MAST2: variants seen among roughly 807,000 people sequenced by gnomAD.
MAST2 encodes the protein microtubule associated serine/threonine kinase 2, also known as microtubule-associated serine/threonine-protein kinase 2.
In MAST2, 70 loss-of-function variants were observed where a neutral mutation model predicts 147.4. That is an observed-to-expected ratio of 0.47 (90% CI 0.39 to 0.58). The LOEUF (loss-of-function observed/expected upper bound fraction) is 0.58. Among genes scored for constraint, MAST2 ranks in the 20% least tolerant of loss-of-function variants. The probability of loss-of-function intolerance (pLI) is 0.00; values close to 1 mark genes in which losing one functional copy is unlikely to be tolerated. For synonymous variants in MAST2, 869 were observed against 896.8 expected (o/e 0.97, Z 0.55); for missense variants, 2,080 against 2,302.3 (o/e 0.90, Z 1.98).
chr1:45,932,795 A>C (rs931244399), intron 4 of MAST2, among the ~76,000 whole-genome samples: 4 of 152,092 alleles, frequency 2.6e-5, no homozygotes, highest in African/African-American at 7.2e-5. Flanking sequence ...GGTCAAGGGA[A>C]GTTTCTTCAG....
rs1311826597 is a variant in MAST2 at position 46,028,791 on chromosome 1, T to A, written c.2076T>A (p.Ile692=). The A allele has an allele frequency of 6.2e-7, 1 of 1,614,048 alleles. No homozygotes were observed. The highest frequency in any genetic ancestry group is 8.5e-7 in the Non-Finnish European group (1 of 1,180,028). Residue 692 remains isoleucine, a synonymous_variant, in exon 18 of 29, where the codon ATT becomes ATA. Coordinates refer to ENST00000361297, the MANE Select transcript of MAST2 (RefSeq NM_015112.3). Reference sequence around the variant, plus strand: ...AGGTATGCGGGACCCCAGAATACATTGCGCCTGAGGTGATCCTGCGCCAGG... The same window carrying A: ...AGGTATGCGGGACCCCAGAATACATAGCGCCTGAGGTGATCCTGCGCCAGG... ...DKQVCGTPEY[I]APEVILRQGY...
chr1:45,941,008 T>G (rs1026208769), intron 4 of MAST2, among the ~76,000 whole-genome samples: 1 of 152,192 alleles, frequency 6.6e-6, no homozygotes, highest in African/African-American at 2.4e-5. Flanking sequence ...GCTGGCAAGC[T>G]CTGATTGGTG....
intron 5 of MAST2, among the ~76,000 whole-genome samples, chr1:45,987,608 G>C (rs1026024454): frequency 8.6e-5 from 13 of 151,964 alleles, no homozygotes; most frequent in Admixed American, 2.6e-4. Flanking sequence ...CACTATGCCT[G>C]GCGTTGTGTA....
At chr1:45,985,006 C>T (rs1178598352) in intron 5 of MAST2, among the ~76,000 whole-genome samples, 1 of 151,658 alleles carries the variant, frequency 6.6e-6, no homozygotes, top group Non-Finnish European at 1.5e-5. Flanking sequence ...TATTTTTAAA[C>T]AAATGTTACT....
chr1:45,958,695 C>G (rs1452288865), intron 4 of MAST2, among the ~76,000 whole-genome samples: 1 of 152,126 alleles, frequency 6.6e-6, no homozygotes, highest in Non-Finnish European at 1.5e-5. Flanking sequence ...AGTAGGTGTT[C>G]AATAAATATT....
chr1:46,008,443 A>T lies in MAST2; in HGVS notation c.978+72A>T. The T allele has an allele frequency of 4.2e-6, 4 of 951,742 alleles. No homozygotes were observed. The Admixed American group carries it at 7.5e-5, about 18-fold the overall frequency. 59.0% of individuals were successfully genotyped at this position (951,742 alleles called of 1,614,324 possible). ...TGCCTACAGCCAGCCCCAATGGGAGACTCTGGAGTGAAGGAATGAAGTGCT... is the reference window on the plus strand; with the variant it reads ...TGCCTACAGCCAGCCCCAATGGGAGTCTCTGGAGTGAAGGAATGAAGTGCT... On this transcript the variant is annotated intron_variant, in intron 9 of 28. Transcript: ENST00000361297.
At chr1:45,855,345 A>G (rs986737348) in intron 3 of MAST2, among the ~76,000 whole-genome samples, 1 of 147,200 alleles carries the variant, frequency 6.8e-6, no homozygotes, top group African/African-American at 2.5e-5. Flanking sequence ...TTTTTTTTCT[A>G]TTTGATTCTT....
At chr1:46,006,851 G>GTATC (rs894855364) in intron 8 of MAST2, among the ~76,000 whole-genome samples, 21 of 152,308 alleles carry the variant, frequency 1.4e-4, no homozygotes, top group South Asian at 2.1e-4. Context: ...GAGAACAATG[G>GTATC]TATCATCAAT....
chr1:45,948,688 C>G (rs558754557), intron 4 of MAST2, among the ~76,000 whole-genome samples: 2 of 103,812 alleles, frequency 1.9e-5, no homozygotes, highest in Non-Finnish European at 3.4e-5. Context: ...GCCTGGGCGA[C>G]AGAGTGAGAC....
chr1:45,994,442 A>G (rs564737762), intron 5 of MAST2, among the ~76,000 whole-genome samples: 1 of 151,972 alleles, frequency 6.6e-6, no homozygotes, highest in South Asian at 2.1e-4. Context: ...ATGTGCCAGC[A>G]CAGCCGGTTA....
Position 46,010,904 on chromosome 1 carries a change from G to C in MAST2, c.1153G>C (p.Glu385Gln), listed in dbSNP as rs781111310. ...SGLITSQYFY[E>Q]LQDNLEKLLQ... ...CCTCATTACATCACAATACTTCTAC[G>C]AACTTCAAGATAATTTGGAGAAACT... Residue 385 changes from glutamate (E) to glutamine (Q), a missense_variant, in exon 10 of 29, where the codon GAA becomes CAA. Glu to Gln is a conservative substitution (Grantham distance 29). This residue lies in a region of MAST2 where 569 missense variants were observed against 642.5 expected (regional missense o/e 0.89). Coordinates refer to ENST00000361297, the MANE Select transcript of MAST2 (RefSeq NM_015112.3). The C allele has an allele frequency of 6.2e-7, 1 of 1,614,146 alleles. No homozygotes were observed. The highest frequency in any genetic ancestry group is 1.7e-5 in the Admixed American group (1 of 60,020).
At chr1:45,805,621 A>T (rs1644119663) in intron 1 of MAST2, among the ~76,000 whole-genome samples, 3 of 152,096 alleles carry the variant, frequency 2.0e-5, no homozygotes, top group Admixed American at 2.0e-4. Flanking sequence ...TGCGTATTTC[A>T]TGGTAGAGTT....
chr1:45,870,319 A>AT (rs1286749337), intron 3 of MAST2, among the ~76,000 whole-genome samples: 6 of 151,966 alleles, frequency 3.9e-5, no homozygotes, highest in Non-Finnish European at 5.9e-5. Context: ...ACATTTGTGA[A>AT]TTTTTTATTG....
At chr1:45,913,548 G>T in intron 4 of MAST2, 1 of 977,910 alleles carries the variant, frequency 1.0e-6, no homozygotes, top group Non-Finnish European at 1.2e-6. Context: ...TTTGTTGCTG[G>T]CTGAGTGTGA....
intron 3 of MAST2, among the ~76,000 whole-genome samples, chr1:45,871,539 TG>T (rs752326356): frequency 2.5e-4 from 38 of 152,334 alleles, no homozygotes; most frequent in Non-Finnish European, 5.0e-4. Flanking sequence ...ATCTGCTTTT[TG>T]TTCCCTGTTT....
intron 4 of MAST2, among the ~76,000 whole-genome samples, chr1:45,945,862 C>T (rs1164267655): frequency 6.6e-6 from 1 of 152,044 alleles, no homozygotes; most frequent in East Asian, 1.9e-4. Flanking sequence ...CCAAATATAC[C>T]ACAACTTCCC....
chr1:45,975,132 C>G (rs1644083171), intron 5 of MAST2, among the ~76,000 whole-genome samples: 1 of 152,102 alleles, frequency 6.6e-6, no homozygotes. Context: ...GAGAGAGCTG[C>G]CAAGGAAGCT....
intron 5 of MAST2, 86 bp downstream of exon 5, chr1:45,959,563 C>T: frequency 9.3e-7 from 1 of 1,072,358 alleles, no homozygotes; most frequent in South Asian, 1.4e-5. Flanking sequence ...TTGTGCAGTT[C>T]CGTATATTAC....
chr1:46,027,927 T>TA (rs1646485383), intron 17 of MAST2, 64 bp downstream of exon 17: 3 of 1,588,570 alleles, frequency 1.9e-6, no homozygotes, highest in East Asian at 4.5e-5. Flanking sequence ...CGCAGTGTCT[T>TA]ACGCCCGTAA....
Sources: gnomAD v4.1 joint callset for allele counts (sites outside exome capture counted in the v4.1 genomes callset) on GRCh38, gnomAD v4.1.1 for gene constraint, gnomAD v4.1.1 regional missense constraint, MANE v1.5 for transcripts, NCBI Gene and HGNC (gene_info 2026-07-23, HGNC 2026-07-21) for gene names.